LRP1B: variants seen among roughly 807,000 people sequenced by gnomAD.
LRP1B encodes low-density lipoprotein receptor-related protein 1B.
LRP1B carries 217 observed loss-of-function variants against 556.6 expected under a neutral mutation model. That is an observed-to-expected ratio of 0.39 (90% CI 0.35 to 0.44). LRP1B has a LOEUF of 0.44. Among genes scored for constraint, LRP1B ranks in the 20% least tolerant of loss-of-function variants. The pLI is 1.00. For synonymous variants in LRP1B, 2,047 were observed against 1,865.8 expected, an observed-to-expected ratio of 1.10 and a Z score of -2.50; for missense variants, 5,053 against 5,620.8, an observed-to-expected ratio of 0.90 and a Z score of 3.23.
intron 1 of LRP1B, among the ~76,000 whole-genome samples, chr2:141,909,897 T>A (rs1268874098): frequency 6.6e-6 from 1 of 152,086 alleles, no homozygotes; most frequent in Non-Finnish European, 1.5e-5. Flanking sequence ...ACTGATTTGA[T>A]TGCTAGTGCA....
intron 66 of LRP1B, among the ~76,000 whole-genome samples, chr2:140,392,391 C>T (rs1684062102): frequency 6.6e-6 from 1 of 152,224 alleles, no homozygotes. Flanking sequence ...GAGACAAATG[C>T]ATATCTGATT....
chr2:140,966,272 T>C (rs184279927), intron 18 of LRP1B, among the ~76,000 whole-genome samples: 14 of 152,338 alleles, frequency 9.2e-5, no homozygotes, highest in African/African-American at 2.9e-4. Context: ...TGGTATCTCA[T>C]TGTGGTTTTG....
intron 31 of LRP1B, among the ~76,000 whole-genome samples, chr2:140,826,628 A>G (rs758746328): frequency 1.3e-5 from 2 of 152,062 alleles, no homozygotes; most frequent in Non-Finnish European, 2.9e-5. Flanking sequence ...CCCTCCCCCA[A>G]TCTGCCAGGC....
chr2:140,883,305 C>T (rs1172468028), intron 25 of LRP1B, among the ~76,000 whole-genome samples: 1 of 152,140 alleles, frequency 6.6e-6, no homozygotes, highest in Non-Finnish European at 1.5e-5. Flanking sequence ...AACCTCCTAA[C>T]AGTCAATATC....
At chr2:141,978,185 C>G (rs10168591) in intron 1 of LRP1B, among the ~76,000 whole-genome samples, 47,229 of 151,940 alleles carry the variant, frequency 0.31, 8,070 homozygotes, top group East Asian at 0.5. Context: ...ATCTCCTTAT[C>G]TCTCTTCTAA....
At chr2:141,292,303 C>A (rs1013344804) in intron 3 of LRP1B, among the ~76,000 whole-genome samples, 1 of 152,102 alleles carries the variant, frequency 6.6e-6, no homozygotes, top group Non-Finnish European at 1.5e-5. Flanking sequence ...TGTTGGGGAC[C>A]ACTGTTCCAT....
At chr2:141,709,254 C>T (rs1202828939) in intron 2 of LRP1B, among the ~76,000 whole-genome samples, 2 of 151,952 alleles carry the variant, frequency 1.3e-5, no homozygotes, top group East Asian at 3.9e-4. Context: ...GAGGCTGAGG[C>T]AGGAGAATTG....
At chr2:141,125,004 A>T (rs1186024485) in intron 7 of LRP1B, among the ~76,000 whole-genome samples, 2 of 152,284 alleles carry the variant, frequency 1.3e-5, no homozygotes, top group East Asian at 3.9e-4. Flanking sequence ...GTCACAATCA[A>T]TACCTAGGTG....
intron 2 of LRP1B, among the ~76,000 whole-genome samples, chr2:141,744,595 CA>C (rs1558845071): frequency 1.3e-5 from 2 of 152,292 alleles, no homozygotes; most frequent in African/African-American, 4.8e-5. Context: ...GGTGAAGTCA[CA>C]AGCTATTATC....
At chr2:140,842,740 G>T (rs1692148274) in intron 29 of LRP1B, among the ~76,000 whole-genome samples, 1 of 151,974 alleles carries the variant, frequency 6.6e-6, no homozygotes, top group African/African-American at 2.4e-5. Flanking sequence ...TTAATTGGTT[G>T]CTGAGAGGCT....
chr2:140,748,760 T>TATGATATATAATATG (rs1688446954), intron 35 of LRP1B, among the ~76,000 whole-genome samples: 2 of 101,008 alleles, frequency 2.0e-5, no homozygotes. Flanking sequence ...ATATATATTA[T>TATGATATATAATATG]ATACATGTAT....
At chr2:140,452,743 A>C (rs1402116669) in intron 62 of LRP1B, among the ~76,000 whole-genome samples, 1 of 152,170 alleles carries the variant, frequency 6.6e-6, no homozygotes, top group South Asian at 2.1e-4. Context: ...TCTTCAAATA[A>C]GAGATTATTT....
chr2:140,524,850 C>T (rs1165471953), intron 49 of LRP1B, among the ~76,000 whole-genome samples: 1 of 151,758 alleles, frequency 6.6e-6, no homozygotes, highest in African/African-American at 2.4e-5. Flanking sequence ...ACCATGTTCA[C>T]TAAATGCGTG....
Position 140,790,123 on chromosome 2 carries a change from A to T in LRP1B, c.5360-13885T>A, listed in dbSNP as rs112093521. On this transcript the variant is annotated intron_variant, in intron 32 of 90. Coordinates refer to ENST00000389484, the MANE Select transcript of LRP1B (RefSeq NM_018557.3). The stretch of plus-strand genomic sequence containing the variant: ...TTTTGTATATATTTATGCATTTACT[A>T]TCTTCCTCAACCAAATGCAACCTCC... 7.9e-5 allele frequency among the ~76,000 whole-genome samples: 12 copies of T among 152,158 alleles called. No homozygotes were observed. The East Asian group carries it at 2.3e-3, about 30-fold the overall frequency.
intron 3 of LRP1B, among the ~76,000 whole-genome samples, chr2:141,256,395 C>T (rs549796906): frequency 1.8e-4 from 28 of 151,872 alleles, no homozygotes; most frequent in African/African-American, 6.8e-4. Flanking sequence ...GAGAGCGAGA[C>T]TGGAATTGCT....
At chr2:141,542,064 C>CT (rs35602367) in intron 2 of LRP1B, among the ~76,000 whole-genome samples, 139,142 of 151,872 alleles carry the variant, frequency 0.92, 64,965 homozygotes, top group East Asian at 1. Flanking sequence ...ATGTTCTATT[C>CT]TTTTTGCGAT....
At chr2:141,696,102 G>T (rs1017358338) in intron 2 of LRP1B, among the ~76,000 whole-genome samples, 2 of 151,818 alleles carry the variant, frequency 1.3e-5, no homozygotes, top group Non-Finnish European at 2.9e-5. Flanking sequence ...TGGTTTACTT[G>T]CAAGAGTGTT....
chr2:140,683,769 A>C, intron 41 of LRP1B: 4 of 968,462 alleles, frequency 4.1e-6, no homozygotes, highest in South Asian at 2.6e-5. Flanking sequence ...CTCTCTCCTG[A>C]CAGGAGTGGT....
intron 2 of LRP1B, among the ~76,000 whole-genome samples, chr2:141,737,179 C>A (rs1693504208): frequency 6.6e-6 from 1 of 152,104 alleles, no homozygotes; most frequent in East Asian, 1.9e-4. Context: ...TGGTGAAACC[C>A]TGTCTCTACT....
Sources: gnomAD v4.1 joint callset for allele counts (sites outside exome capture counted in the v4.1 genomes callset) on GRCh38, gnomAD v4.1.1 for gene constraint, MANE v1.5 for transcripts, NCBI Gene and HGNC (gene_info 2026-07-23, HGNC 2026-07-21) for gene names.